The following DOCK2 variants were observed in gnomAD, a reference collection of about 807,000 sequenced individuals.
DOCK2 encodes dedicator of cytokinesis protein 2.
DOCK2 carries 87 observed loss-of-function variants against 248.9 expected under a neutral mutation model. The observed-to-expected ratio is 0.35, with a 90% CI of 0.29 to 0.42. The LOEUF is 0.42. Among genes scored for constraint, DOCK2 ranks in the 10% least tolerant of loss-of-function variants. The pLI is 1.00. For synonymous variants in DOCK2, 805 were observed against 821.6 expected (o/e 0.98, Z 0.35); for missense variants, 1,747 against 2,300.2 (o/e 0.76, Z 4.92).
chr5:169,818,094 G>T (rs1234029619), intron 26 of DOCK2, among the ~76,000 whole-genome samples: 1 of 152,104 alleles, frequency 6.6e-6, no homozygotes, highest in African/African-American at 2.4e-5. Flanking sequence ...CCTTGGGGTT[G>T]GTCACACCCC....
At chr5:169,940,835 C>A (rs1227114500) in intron 27 of DOCK2, among the ~76,000 whole-genome samples, 1 of 152,234 alleles carries the variant, frequency 6.6e-6, no homozygotes, top group Non-Finnish European at 1.5e-5. Context: ...TCCTACCTGG[C>A]CACAGACTGG....
At position 169,935,138 on chromosome 5, in the gene DOCK2, T is replaced by C. The variant is rs145185771; in HGVS notation, c.2800-47930T>C. On this transcript the variant is annotated intron_variant, in intron 27 of 51. Transcript: ENST00000520908. ...TTTGGATAGAAGGACTGGCCAGCACTGTGGAGAGCCCTCTTAATTGGAGGG... is the reference window on the plus strand; with the variant it reads ...TTTGGATAGAAGGACTGGCCAGCACCGTGGAGAGCCCTCTTAATTGGAGGG... Among the ~76,000 whole-genome samples, 190 of 152,314 alleles carry C rather than the reference T, an allele frequency of 1.2e-3. 1 individual carries two copies. The highest frequency in any genetic ancestry group is 6.8e-3 in the Middle Eastern group (2 of 294).
chr5:169,776,591 G>A (rs1765395772), intron 25 of DOCK2, among the ~76,000 whole-genome samples: 1 of 152,128 alleles, frequency 6.6e-6, no homozygotes, highest in South Asian at 2.1e-4. Context: ...AAGGACACTG[G>A]CTATAGTCAA....
chr5:169,674,627 T>C (rs1257773025), intron 6 of DOCK2, among the ~76,000 whole-genome samples, 182 bp downstream of exon 6: 1 of 152,208 alleles, frequency 6.6e-6, no homozygotes, highest in Non-Finnish European at 1.5e-5. Flanking sequence ...CCTAGGGACA[T>C]GCAGGTGGAG....
intron 25 of DOCK2, among the ~76,000 whole-genome samples, chr5:169,774,646 G>T (rs1419663734): frequency 6.6e-6 from 1 of 152,166 alleles, no homozygotes; most frequent in Non-Finnish European, 1.5e-5. Context: ...CACACATGCT[G>T]GGCAGGTAAT....
chr5:169,837,227 G>A (rs948203467), intron 26 of DOCK2, among the ~76,000 whole-genome samples: 2 of 152,128 alleles, frequency 1.3e-5, no homozygotes, highest in African/African-American at 4.8e-5. Flanking sequence ...TCTTTGCCAA[G>A]GCCATAATGG....
chr5:170,044,543 C>G (rs772524376), intron 38 of DOCK2, among the ~76,000 whole-genome samples: 3 of 152,126 alleles, frequency 2.0e-5, no homozygotes, highest in Non-Finnish European at 4.4e-5. Flanking sequence ...TAGACAAAGA[C>G]CTATACTTGA....
chr5:169,883,628 C>A, intron 27 of DOCK2: 1 of 1,551,446 alleles, frequency 6.4e-7, no homozygotes, highest in Non-Finnish European at 8.7e-7. Flanking sequence ...TTGCGAAAGC[C>A]CCCTGCCTTC....
intron 26 of DOCK2, among the ~76,000 whole-genome samples, chr5:169,840,348 C>G (rs1244656213): frequency 6.6e-6 from 1 of 152,184 alleles, no homozygotes; most frequent in Non-Finnish European, 1.5e-5. Flanking sequence ...CAATTGCCTT[C>G]TACGAGGCCC....
intron 25 of DOCK2, among the ~76,000 whole-genome samples, chr5:169,771,448 T>C (rs758737657): frequency 1.3e-5 from 2 of 152,122 alleles, no homozygotes; most frequent in Non-Finnish European, 2.9e-5. Flanking sequence ...CACGCCTGGC[T>C]AATTTTTGTA....
chr5:169,774,416 A>C (rs1335378357), intron 25 of DOCK2, among the ~76,000 whole-genome samples: 1 of 152,294 alleles, frequency 6.6e-6, no homozygotes, highest in East Asian at 1.9e-4. Flanking sequence ...GAAACTGATA[A>C]GGAGGTTTAA....
chr5:169,724,985 A>G (rs979478081), intron 22 of DOCK2, among the ~76,000 whole-genome samples: 1 of 152,204 alleles, frequency 6.6e-6, no homozygotes, highest in Non-Finnish European at 1.5e-5. Context: ...TGAAACAAAT[A>G]TGAATTTAAC....
At chr5:169,669,422 C>G in intron 3 of DOCK2, 94 bp downstream of exon 3, 1 of 1,372,294 alleles carries the variant, frequency 7.3e-7, no homozygotes, top group Non-Finnish European at 1.0e-6. Context: ...CATTGCTCCT[C>G]AGCAAAGGGA....
chr5:169,647,196 G>A (rs1757515476), intron 1 of DOCK2, among the ~76,000 whole-genome samples: 1 of 152,204 alleles, frequency 6.6e-6, no homozygotes. Context: ...TGATGGCAGG[G>A]CCATGTCTGT....
intron 41 of DOCK2, among the ~76,000 whole-genome samples, chr5:170,052,493 A>G (rs1477072043): frequency 6.6e-6 from 1 of 152,198 alleles, no homozygotes; most frequent in Non-Finnish European, 1.5e-5. Context: ...AATATTTGCT[A>G]AATGTCCTTT....
intron 27 of DOCK2, 44 bp downstream of exon 27, chr5:169,840,896 G>A (rs1232042912): frequency 1.3e-6 from 2 of 1,592,238 alleles, no homozygotes; most frequent in East Asian, 4.5e-5. Flanking sequence ...AAGCTCTTCA[G>A]CATCTAAAAA....
At chr5:169,919,739 G>A (rs571433784) in intron 27 of DOCK2, among the ~76,000 whole-genome samples, 70 of 152,234 alleles carry the variant, frequency 4.6e-4, no homozygotes, top group Middle Eastern at 6.8e-3. Context: ...GAGTCCCCGC[G>A]AAACCTGCTA....
Position 170,050,353 on chromosome 5 carries a change from C to A in DOCK2, c.4169C>A (p.Thr1390Asn). Reference protein sequence around the residue: ...TQFPNAEKMNTTSAPGDDVKN... With the variant: ...TQFPNAEKMNNTSAPGDDVKN... ...TTCCCCAATGCAGAGAAGATGAACA[C>A]CACCTCTGCCCCGGGAGATGATGTG... Residue 1390 changes from threonine (T) to asparagine (N), a missense_variant, in exon 41 of 52, where the codon ACC (threonine) becomes AAC (asparagine). By Grantham distance (65) the Thr-to-Asn change is moderately conservative. This residue lies in a region of DOCK2 where 513 missense variants were observed against 586.1 expected (regional missense o/e 0.88). Transcript: ENST00000520908. 1 of 1,614,186 alleles carries A rather than the reference C, an allele frequency of 6.2e-7. No individual in the cohort carries two copies. The highest frequency in any genetic ancestry group is 8.5e-7 in the Non-Finnish European group (1 of 1,180,022).
intron 2 of DOCK2, among the ~76,000 whole-genome samples, chr5:169,659,515 C>G (rs6861799): frequency 0.32 from 48,417 of 151,996 alleles, 7,942 homozygotes; most frequent in Middle Eastern, 0.44. Flanking sequence ...GAGACTAGCC[C>G]TTCCTTGCCT....
Sources: gnomAD v4.1 joint callset for allele counts (sites outside exome capture counted in the v4.1 genomes callset) on GRCh38, gnomAD v4.1.1 for gene constraint, gnomAD v4.1.1 regional missense constraint, MANE v1.5 for transcripts, NCBI Gene and HGNC (gene_info 2026-07-23, HGNC 2026-07-21) for gene names.